ANGPTL5: variants seen among roughly 807,000 people sequenced by gnomAD.
ANGPTL5 encodes the protein angiopoietin like 5, also known as angiopoietin-related protein 5.
ANGPTL5 carries 34 observed loss-of-function variants against 39.4 expected under a neutral mutation model. The ratio of observed to expected loss-of-function variants is 0.86; its 90% CI spans 0.66 to 1.15. The LOEUF (loss-of-function observed/expected upper bound fraction) is 1.15, where lower values mean the gene tolerates loss of function less well. Ranked by LOEUF, ANGPTL5 falls within the 50% of genes most tolerant of loss-of-function variation. The pLI, the probability that ANGPTL5 is intolerant of heterozygous loss-of-function variation, is 0.00. For synonymous variants in ANGPTL5, 146 were observed against 152.1 expected, an observed-to-expected ratio of 0.96 and a Z score of 0.29; for missense variants, 467 against 457.5, an observed-to-expected ratio of 1.02 and a Z score of -0.19.
chr11:101,908,126 T>G, intron 1 of ANGPTL5, 125 bp from the exon 2 acceptor site: 4 of 433,546 alleles, frequency 9.2e-6, no homozygotes, highest in Non-Finnish European at 1.7e-5. Context: ...AATTGTACAA[T>G]TCCTTTTTTA....
Position 101,905,769 on chromosome 11 carries a change from G to T in ANGPTL5, c.320C>A (p.Ala107Asp). The T allele has an allele frequency of 6.2e-7, 1 of 1,609,768 alleles. No homozygotes were observed. The highest frequency in any genetic ancestry group is 8.5e-7 in the Non-Finnish European group (1 of 1,176,760). Residue 107 changes from alanine (A) to aspartate (D), a missense_variant, in exon 4 of 9, where the codon GCT becomes GAT. Coordinates refer to ENST00000334289, the MANE Select transcript of ANGPTL5 (RefSeq NM_178127.5). Reference protein sequence around the residue: ...LLRNMMDEQQASLDYLSNQVN... With the variant: ...LLRNMMDEQQDSLDYLSNQVN... Reference sequence around the variant, plus strand: ...CTGATTAGATAAATAATCCAAGGAAGCTTGTTGCTCATCCATCATATTCCT... The same window carrying T: ...CTGATTAGATAAATAATCCAAGGAATCTTGTTGCTCATCCATCATATTCCT...
intron 8 of ANGPTL5, among the ~76,000 whole-genome samples, chr11:101,892,997 T>G (rs1939728795): frequency 6.6e-6 from 1 of 152,154 alleles, no homozygotes; most frequent in Admixed American, 6.5e-5. Context: ...GTGATACTTT[T>G]CCAAAGTTCC....
chr11:101,900,435 A>G lies in ANGPTL5; in HGVS notation c.656T>C (p.Leu219Pro). The G allele has an allele frequency of 6.2e-7, 1 of 1,613,140 alleles. No homozygotes were observed. The highest frequency in any genetic ancestry group is 8.5e-7 in the Non-Finnish European group (1 of 1,179,644). The stretch of plus-strand genomic sequence containing the variant: ...AGAAATACAAAAAAATTAACCTAGA[A>G]GATCTCCAAATCCATCCAGATAATC... Reference protein sequence around the residue: ...WCDYLDGFGDLLGEFWLGLKK... With the variant: ...WCDYLDGFGDPLGEFWLGLKK... Residue 219 changes from leucine (L) to proline (P), a missense_variant, in exon 7 of 9, where the codon CTT becomes CCT. Coordinates refer to ENST00000334289, the MANE Select transcript of ANGPTL5 (RefSeq NM_178127.5).
intron 1 of ANGPTL5, among the ~76,000 whole-genome samples, chr11:101,908,341 C>T (rs1940032677): frequency 6.6e-6 from 1 of 151,948 alleles, no homozygotes; most frequent in Non-Finnish European, 1.5e-5. Context: ...TTGCAAACTG[C>T]TTGCAAAAAA....
At chr11:101,891,963 G>A (rs1329283427) in intron 8 of ANGPTL5, among the ~76,000 whole-genome samples, 2 of 152,128 alleles carry the variant, frequency 1.3e-5, no homozygotes, top group Non-Finnish European at 2.9e-5. Flanking sequence ...TTTACACAGG[G>A]TAGGTTTCCT....
rs537216436 is a variant in ANGPTL5 at position 101,908,737 on chromosome 11, C to A, written c.-92-736G>T. Among the ~76,000 whole-genome samples the A allele has an allele frequency of 2.7e-3, 393 of 148,192 alleles. 3 individuals carry two copies. The highest frequency in any genetic ancestry group is 9.6e-3 in the African/African-American group (379 of 39,644). On this transcript the variant is annotated intron_variant, in intron 1 of 8. Transcript: ENST00000334289. ...CAGAGGTTGCAGTGAGCCGAGATCA[C>A]GCCACTGCACTCCAGCCTGGGCGAA...
chr11:101,904,156 C>T (rs1209755671), intron 5 of ANGPTL5, among the ~76,000 whole-genome samples: 1 of 152,092 alleles, frequency 6.6e-6, no homozygotes. Flanking sequence ...TGAGAAAGTG[C>T]CTGTCTTCCT....
chr11:101,899,325 C>T (rs1283589642), intron 7 of ANGPTL5, among the ~76,000 whole-genome samples: 1 of 152,198 alleles, frequency 6.6e-6, no homozygotes, highest in African/African-American at 2.4e-5. Flanking sequence ...GTTTCAAACT[C>T]CTGGCCTCAA....
At chr11:101,905,020 A>C in intron 4 of ANGPTL5, 113 bp from the exon 5 acceptor site, 1 of 760,460 alleles carries the variant, frequency 1.3e-6, no homozygotes. Flanking sequence ...TTCTAGATTG[A>C]TTTCTTACTG....
intron 5 of ANGPTL5, among the ~76,000 whole-genome samples, chr11:101,904,584 G>A (rs931166105): frequency 6.6e-6 from 1 of 152,126 alleles, no homozygotes; most frequent in Non-Finnish European, 1.5e-5. Flanking sequence ...ACAGCTTCAG[G>A]ATATCTTTAT....
chr11:101,894,306 C>T (rs1002973122), intron 8 of ANGPTL5, among the ~76,000 whole-genome samples: 4 of 152,150 alleles, frequency 2.6e-5, no homozygotes, highest in African/African-American at 7.2e-5. Flanking sequence ...AACTCAAATG[C>T]CTTTACATTT....
intron 7 of ANGPTL5, among the ~76,000 whole-genome samples, chr11:101,897,885 T>C (rs917638104): frequency 6.6e-5 from 10 of 152,196 alleles, no homozygotes; most frequent in African/African-American, 2.2e-4. Flanking sequence ...TTTCTAATTA[T>C]GTGAAGAAAG....
chr11:101,911,217 A>G (rs992914666), intron 1 of ANGPTL5, among the ~76,000 whole-genome samples: 2 of 137,098 alleles, frequency 1.5e-5, no homozygotes, highest in East Asian at 4.4e-4. Context: ...TCTGCCTCCC[A>G]GTTTCAATCG....
At position 101,907,184 on chromosome 11, in the gene ANGPTL5, C is replaced by T. The variant is rs751530282; in HGVS notation, c.160G>A (p.Asp54Asn). 23 of 1,579,158 alleles carry T rather than the reference C, an allele frequency of 1.5e-5. No individual in the cohort carries two copies. Among genetic ancestry groups the T allele is most frequent in the Non-Finnish European group, 2.0e-5 (23 of 1,151,362 alleles). The stretch of plus-strand genomic sequence containing the variant: ...TCACAGTCTTCCTTACAAACAGTAT[C>T]ATTACTTTTACTTTCATCTTTTGCA... The part of the protein sequence containing the change: ...SNAKDESKSN[D>N]TVCKEDCEES... The change falls in exon 3 of 9, where the codon GAT (aspartate) becomes AAT (asparagine). Residue 54 changes from aspartate to asparagine, a missense_variant. Coordinates refer to ENST00000334289, the MANE Select transcript of ANGPTL5 (RefSeq NM_178127.5).
intron 4 of ANGPTL5, 91 bp from the exon 5 acceptor site, chr11:101,904,998 T>A: frequency 1.1e-6 from 1 of 894,886 alleles, no homozygotes; most frequent in South Asian, 1.4e-5. Flanking sequence ...AAATACGTAA[T>A]GGTGCCCATT....
At position 101,890,959 on chromosome 11, in the gene ANGPTL5, A is replaced by G. The variant is rs1185522268; in HGVS notation, c.*320T>C. ...TTCCCTTCAATTTTCCTTACAACAT[A>G]TTATGGTTTAAAAATGCTTCAAAGA... is the stretch of plus-strand genomic sequence containing the variant. On this transcript the variant is annotated 3_prime_UTR_variant, in exon 9 of 9. Coordinates refer to ENST00000334289, the MANE Select transcript of ANGPTL5 (RefSeq NM_178127.5). 4.8e-6 allele frequency: 1 copy of G among 206,724 alleles called. No individual in the cohort carries two copies. Among genetic ancestry groups the G allele is most frequent in the African/African-American group, 2.3e-5 (1 of 42,728 alleles). The allele number at this position is 206,724 out of a possible 1,614,324, so 12.8% of individuals were successfully genotyped here. A position where few individuals can be genotyped will look rare whatever the true frequency, so the allele number is the denominator to read the frequency against.
chr11:101,915,367 T>A (rs1170905096), intron 1 of ANGPTL5: 3 of 1,613,900 alleles, frequency 1.9e-6, no homozygotes, highest in Non-Finnish European at 2.5e-6. Context: ...AGAGCCCCCC[T>A]CGGCCCTCGG....
rs144997552 is a variant in ANGPTL5 at position 101,911,446 on chromosome 11, A to T, written c.-92-3445T>A. Among the ~76,000 whole-genome samples, 95 of 152,058 alleles carry T rather than the reference A, an allele frequency of 6.2e-4. No homozygotes were observed. In the East Asian group the frequency reaches 0.013, roughly 21 times the overall value. ...GCCTCCCCGCCCAAATCTTACGTCA[A>T]ACTGTAATCCCCAATGTTGGAGGTA... On this transcript the variant is annotated intron_variant, in intron 1 of 8. Transcript: ENST00000334289.
chr11:101,915,058 C>T, intron 1 of ANGPTL5: 5 of 517,296 alleles, frequency 9.7e-6, no homozygotes, highest in Non-Finnish European at 1.7e-5. Context: ...GCTGCCGCCC[C>T]ATCTGCTATT....
Sources: gnomAD v4.1 joint callset for allele counts (sites outside exome capture counted in the v4.1 genomes callset) on GRCh38, gnomAD v4.1.1 for gene constraint, MANE v1.5 for transcripts, NCBI Gene and HGNC (gene_info 2026-07-23, HGNC 2026-07-21) for gene names.